Variants in HAUS5 observed in about 807,000 individuals in gnomAD.
The protein encoded by HAUS5 is HAUS augmin like complex subunit 5.
HAUS5 carries 67 observed loss-of-function variants against 94.1 expected under a neutral mutation model. That is an observed-to-expected ratio of 0.71 (90% CI 0.58 to 0.87). The LOEUF is 0.87. Among genes scored for constraint, HAUS5 ranks in the 40% least tolerant of loss-of-function variants. HAUS5 has a pLI of 0.00. For missense variants in HAUS5, 739 were observed against 825.6 expected, an observed-to-expected ratio of 0.90 and a Z score of 1.29; for synonymous variants, 339 against 355.4, an observed-to-expected ratio of 0.95 and a Z score of 0.52.
Position 35,618,390 on chromosome 19 carries a change from C to T in HAUS5, c.822-12C>T. ...CAGCACGGCTCCCTCAGCAGCTCTTCCCCCACCCCAGACCCCAGGCCCCGG... is the reference window on the plus strand; with the variant it reads ...CAGCACGGCTCCCTCAGCAGCTCTTTCCCCACCCCAGACCCCAGGCCCCGG... On this transcript the variant is annotated splice_polypyrimidine_tract_variant and intron_variant, in intron 10 of 18. Coordinates refer to ENST00000203166, the MANE Select transcript of HAUS5 (RefSeq NM_015302.2). The T allele has an allele frequency of 6.3e-7, 1 of 1,590,358 alleles. No individual in the cohort carries two copies. Among genetic ancestry groups the T allele is most frequent in the Non-Finnish European group, 8.6e-7 (1 of 1,162,438 alleles).
chr19:35,622,842 G>C, intron 18 of HAUS5, 34 bp from the exon 19 acceptor site: 1 of 1,607,096 alleles, frequency 6.2e-7, no homozygotes. Flanking sequence ...TGGAGGGTCA[G>C]TCCTTTCCTC....
chr19:35,612,836 G>A lies in HAUS5; in HGVS notation c.42G>A (p.Ala14=). Residue 14 remains alanine, a synonymous_variant, in exon 1 of 19, where the codon GCG becomes GCA. Transcript: ENST00000203166. ...AAGCGCGGGAACTGGGTTGCTGGGCGGTCGAAGAGATGGGGGTGCCCGTGG... is the reference window on the plus strand; with the variant it reads ...AAGCGCGGGAACTGGGTTGCTGGGCAGTCGAAGAGATGGGGGTGCCCGTGG... The part of the protein sequence containing the change: ...AQEARELGCW[A]VEEMGVPVAA... 6.5e-7 allele frequency: 1 copy of A among 1,548,184 alleles called. No homozygotes were observed.
intron 17 of HAUS5, among the ~76,000 whole-genome samples, chr19:35,622,165 C>T: frequency 6.6e-6 from 1 of 152,028 alleles, no homozygotes; most frequent in Non-Finnish European, 1.5e-5. Context: ...TTGGAGGGTT[C>T]TAGACAGGAG....
chr19:35,622,461 A>C, intron 17 of HAUS5, 140 bp from the exon 18 acceptor site: 4 of 841,020 alleles, frequency 4.8e-6, no homozygotes, highest in Non-Finnish European at 7.6e-6. Context: ...CAGGCTGGGA[A>C]GAGAAGGAGA....
chr19:35,616,193 C>T (rs2071941608), intron 6 of HAUS5, among the ~76,000 whole-genome samples: 1 of 151,998 alleles, frequency 6.6e-6, no homozygotes, highest in Non-Finnish European at 1.5e-5. Flanking sequence ...TGGCACGTGC[C>T]TGTAGTCCCA....
At chr19:35,615,720 T>C (rs1157639600) in intron 6 of HAUS5, among the ~76,000 whole-genome samples, 2 of 152,082 alleles carry the variant, frequency 1.3e-5, no homozygotes, top group South Asian at 4.2e-4. Context: ...ATGAGTGCTG[T>C]GAAGAAAAGC....
intron 17 of HAUS5, among the ~76,000 whole-genome samples, chr19:35,621,190 A>C (rs4806185): frequency 0.25 from 38,547 of 152,184 alleles, 5,681 homozygotes; most frequent in South Asian, 0.45. Flanking sequence ...AGACTGTTCA[A>C]GCCTCTGAGT....
In HAUS5 at chr19:35,618,616, C is replaced by T. The variant is rs377499346; in HGVS notation, c.933C>T (p.Leu311=). 5.0e-6 allele frequency: 8 copies of T among 1,607,850 alleles called. No homozygotes were observed. The African/African-American group carries it at 6.7e-5, about 13-fold the overall frequency. ...TGCTGGTCTCCCAGCGGAGCACCCT[C>T]CTGAAGGAGCGGCAAGTCTTGACCC... ...VGVLVSQRST[L]LKERQVLTQR... is the part of the protein sequence containing the mutation. Residue 311 remains leucine (L), a synonymous_variant, in exon 12 of 19, where the codon CTC becomes CTT. Coordinates refer to ENST00000203166, the MANE Select transcript of HAUS5 (RefSeq NM_015302.2).
In HAUS5 at chr19:35,614,130, A is replaced by G. The variant is rs773871787; in HGVS notation, c.219+71A>G. The G allele has an allele frequency of 2.9e-6, 4 of 1,383,152 alleles. No individual in the cohort carries two copies. The African/African-American group carries it at 5.7e-5, about 20-fold the overall frequency. 85.7% of individuals were successfully genotyped at this position (1,383,152 alleles called of 1,614,324 possible). On this transcript the variant is annotated intron_variant, in intron 4 of 18. Coordinates refer to ENST00000203166, the MANE Select transcript of HAUS5 (RefSeq NM_015302.2). ...TTGTAGATCTTCTGCTCTAAGCCCA[A>G]CCAGGTGCTGGGTGATGCTGGGGAC...
At position 35,618,946 on chromosome 19, in the gene HAUS5, A is replaced by G; in HGVS notation, c.1076A>G (p.His359Arg). 1 of 1,613,706 alleles carries G rather than the reference A, an allele frequency of 6.2e-7. No homozygotes were observed. The highest frequency in any genetic ancestry group is 8.5e-7 in the Non-Finnish European group (1 of 1,179,848). ...CCLWTELKAL[H>R]DQSQELQDAA... ...CTGTGGACGGAGCTCAAGGCCCTGC[A>G]CGATCAGAGCCAGGAGCTGCAGGAT... The change falls in exon 13 of 19, where the codon CAC becomes CGC. Residue 359 changes from histidine (H) to arginine (R), a missense_variant. Coordinates refer to ENST00000203166, the MANE Select transcript of HAUS5 (RefSeq NM_015302.2).
chr19:35,617,548 G>A (rs1483432978), intron 8 of HAUS5, among the ~76,000 whole-genome samples, 179 bp downstream of exon 8: 6 of 152,282 alleles, frequency 3.9e-5, no homozygotes, highest in Admixed American at 2.6e-4. Context: ...GGTGGTCAGG[G>A]CTGTTGCGGG....
At chr19:35,617,255 C>T (rs1050964047) in intron 7 of HAUS5, 32 bp from the exon 8 acceptor site, 2 of 1,605,776 alleles carry the variant, frequency 1.2e-6, no homozygotes, top group Non-Finnish European at 1.7e-6. Flanking sequence ...TGCTAGGGTC[C>T]CCCTCAGGTC....
At chr19:35,614,795 G>A (rs114962614) in intron 4 of HAUS5, among the ~76,000 whole-genome samples, 1,629 of 151,594 alleles carry the variant, frequency 0.011, 35 homozygotes, top group African/African-American at 0.036. Context: ...GCAGGGCTCC[G>A]GGAAGAGATC....
chr19:35,613,543 C>G (rs2071913471), intron 1 of HAUS5, 187 bp from the exon 2 acceptor site: 1 of 592,638 alleles, frequency 1.7e-6, no homozygotes. Context: ...TATGATCGTA[C>G]CACTGCGACA....
At chr19:35,617,753 CAT>C in intron 8 of HAUS5, 100 bp from the exon 9 acceptor site, 1 of 987,314 alleles carries the variant, frequency 1.0e-6, no homozygotes, top group Non-Finnish European at 1.6e-6. Flanking sequence ...GTCTAACAGG[CAT>C]AGGGAAGATG....
chr19:35,619,005 C>A lies in HAUS5; in HGVS notation c.1135C>A (p.Leu379Ile). ...AGHRQLLLRE[L>I]QAKQQRILHW... ...GCATCGGCAGCTCCTGCTGAGGGAG[C>A]TACAGGCCAAACAGCAGCGGATCCT... The change falls in exon 13 of 19, where the codon CTA becomes ATA. Residue 379 changes from leucine to isoleucine, a missense_variant. Physicochemically the swap from Leu to Ile is conservative, Grantham distance 5 (BLOSUM62 2). Coordinates refer to ENST00000203166, the MANE Select transcript of HAUS5 (RefSeq NM_015302.2). 1 of 1,611,134 alleles carries A rather than the reference C, an allele frequency of 6.2e-7. No individual in the cohort carries two copies. The highest frequency in any genetic ancestry group is 1.1e-5 in the South Asian group (1 of 90,808).
Position 35,614,158 on chromosome 19 carries a change from TG to T in HAUS5, c.219+102del, listed in dbSNP as rs2071920542. On this transcript the variant is annotated intron_variant, in intron 4 of 18. Transcript: ENST00000203166. Reference sequence around the variant, plus strand: ...AGGTGCTGGGTGATGCTGGGGACAATGGGTCACAAGACAGCCTTGATCTCCA... The same window carrying T: ...AGGTGCTGGGTGATGCTGGGGACAATGGTCACAAGACAGCCTTGATCTCCA... 3.7e-6 allele frequency: 4 copies of T among 1,069,842 alleles called. No individual in the cohort carries two copies. The South Asian group carries it at 3.8e-5, about 10-fold the overall frequency. 66.3% of individuals were successfully genotyped at this position (1,069,842 alleles called of 1,614,324 possible).
rs1410334528 is a variant in HAUS5, at chr19:35,619,046, G to T, written c.1176G>T (p.Leu392=). 1 of 1,586,436 alleles carries T rather than the reference G, an allele frequency of 6.3e-7. No homozygotes were observed. Among genetic ancestry groups the T allele is most frequent in the East Asian group, 2.2e-5 (1 of 44,506 alleles). ...KQQRILHWRQ[L]VEETQEQVRL... ...AGCGGATCCTGCACTGGCGCCAGCT[G>T]GTGGTGAGAGGCTAGGCCCAGGGCC... The change falls in exon 13 of 19, where the codon CTG becomes CTT. Residue 392 remains leucine (L), a synonymous_variant. Coordinates refer to ENST00000203166, the MANE Select transcript of HAUS5 (RefSeq NM_015302.2).
Position 35,619,682 on chromosome 19 carries a change from C to T in HAUS5, c.1330C>T (p.Leu444=). The change falls in exon 15 of 19, where the codon CTG becomes TTG. Residue 444 remains leucine, a synonymous_variant. Coordinates refer to ENST00000203166, the MANE Select transcript of HAUS5 (RefSeq NM_015302.2). ...AGTGGCACCACAGAGCCGGGAGCTG[C>T]TGCGCTGTCTGGAGGAGGAAGTCCG... The part of the protein sequence containing the change: ...EAVAPQSREL[L]RCLEEEVRHL... 6.3e-7 allele frequency: 1 copy of T among 1,580,310 alleles called. No individual in the cohort carries two copies. The highest frequency in any genetic ancestry group is 8.6e-7 in the Non-Finnish European group (1 of 1,163,540).
Sources: allele counts gnomAD v4.1 joint callset (sites outside exome capture counted in the v4.1 genomes callset), GRCh38; gene constraint gnomAD v4.1.1; transcripts MANE v1.5; gene names NCBI Gene and HGNC (gene_info 2026-07-23, HGNC 2026-07-21).